DCDC2C: variants seen among roughly 807,000 people sequenced by gnomAD.
The protein encoded by DCDC2C is doublecortin domain containing 2C.
Under a neutral mutation model 45.0 loss-of-function variants are expected in DCDC2C, and 44 were observed. The observed-to-expected ratio is 0.98, with a 90% CI of 0.77 to 1.26. The LOEUF (loss-of-function observed/expected upper bound fraction) is 1.26. DCDC2C is among the 50% of genes most tolerant of loss of function. The pLI is 0.00. For missense variants in DCDC2C, 447 were observed against 468.9 expected (o/e 0.95, Z 0.43); for synonymous variants, 187 against 178.8 (o/e 1.05, Z -0.37).
intron 4 of DCDC2C, among the ~76,000 whole-genome samples, chr2:3,747,513 G>C (rs758299478): frequency 2.0e-5 from 3 of 152,174 alleles, no homozygotes; most frequent in Non-Finnish European, 4.4e-5. Context: ...GCAGCTGCTT[G>C]CCCCAGTGGA....
At position 3,761,774 on chromosome 2, in the gene DCDC2C, T is replaced by C. The variant is rs2148141256; in HGVS notation, c.727-5980T>C. Among the ~76,000 whole-genome samples, 2 of 152,362 alleles carry C rather than the reference T, an allele frequency of 1.3e-5. 1 individual carries two copies. The highest frequency in any genetic ancestry group is 2.9e-5 in the Non-Finnish European group (2 of 68,032). ...GACTGACTCTGAAATAGGTTGTTAC[T>C]GTCCTTCAATTAGACAAACTGGCTC... On this transcript the variant is annotated intron_variant, in intron 6 of 10. Transcript: ENST00000399143. The surrounding 1 kb of genome is among the most constrained non-coding windows in gnomAD (Gnocchi z 4.3).
At chr2:3,767,611 T>G in intron 6 of DCDC2C, 143 bp from the exon 7 acceptor site, 16 of 848,056 alleles carry the variant, frequency 1.9e-5, no homozygotes, top group Non-Finnish European at 2.9e-5. Flanking sequence ...GCATTCGAAG[T>G]GAGGCTTCTT....
chr2:3,778,865 CT>C lies in DCDC2C; in HGVS notation c.1005del (p.Asp336IlefsTer28), dbSNP rs1558223311. 1 of 1,551,030 alleles carries C rather than the reference CT, an allele frequency of 6.4e-7. No individual in the cohort carries two copies. The highest frequency in any genetic ancestry group is 8.7e-7 in the Non-Finnish European group (1 of 1,147,084). ...GATGAAGAGATACATGAGAACACCC[CT>C]GATTTTGAGGGCAACAAGGTGAGTT... ...KEDEEIHENT[P>X]DFEGNKDKED... On this transcript the variant is annotated frameshift_variant, in exon 9 of 11. Transcript: ENST00000399143. LOFTEE classifies it high-confidence loss of function.
intron 2 of DCDC2C, among the ~76,000 whole-genome samples, chr2:3,715,892 A>G (rs1221594443): frequency 6.6e-6 from 1 of 152,234 alleles, no homozygotes; most frequent in Non-Finnish European, 1.5e-5. Context: ...ATGAAATGTC[A>G]TGCTGGGGGC....
At chr2:3,824,786 C>G (rs545690178) in intron 10 of DCDC2C, among the ~76,000 whole-genome samples, 29 of 152,020 alleles carry the variant, frequency 1.9e-4, no homozygotes, top group African/African-American at 7.0e-4. Flanking sequence ...ATGCCTGTTG[C>G]CTGCTGAGGT....
At chr2:3,797,299 G>A (rs1670984570) in intron 10 of DCDC2C, among the ~76,000 whole-genome samples, 2 of 151,404 alleles carry the variant, frequency 1.3e-5, no homozygotes, top group Admixed American at 1.3e-4. Flanking sequence ...TATCAATTTT[G>A]TTGATCCTTT....
chr2:3,805,238 A>C (rs1671209637), intron 10 of DCDC2C, among the ~76,000 whole-genome samples: 1 of 152,224 alleles, frequency 6.6e-6, no homozygotes, highest in African/African-American at 2.4e-5. Flanking sequence ...AGGGCGAACC[A>C]TGGAGAGAGG....
chr2:3,752,012 C>CT (rs924386992), intron 4 of DCDC2C, among the ~76,000 whole-genome samples: 20 of 152,140 alleles, frequency 1.3e-4, no homozygotes, highest in African/African-American at 4.3e-4. Flanking sequence ...GGCTTCTGGC[C>CT]TTTTTACAGC....
intron 6 of DCDC2C, among the ~76,000 whole-genome samples, chr2:3,758,069 A>G (rs1022240289): frequency 1.3e-5 from 2 of 152,202 alleles, no homozygotes; most frequent in Admixed American, 6.5e-5. Flanking sequence ...ATTACTACTG[A>G]TGGAATAAAT....
At chr2:3,783,109 G>T (rs999364284) in intron 9 of DCDC2C, among the ~76,000 whole-genome samples, 3 of 152,146 alleles carry the variant, frequency 2.0e-5, no homozygotes, top group African/African-American at 4.8e-5. Context: ...TGTGACTCAG[G>T]TTTTTCTCTG....
chr2:3,837,889 CAT>C (rs1672119838), intron 10 of DCDC2C, among the ~76,000 whole-genome samples: 1 of 152,118 alleles, frequency 6.6e-6, no homozygotes. Flanking sequence ...GATGCGGACA[CAT>C]ATCCCGGGAG....
At chr2:3,784,363 A>G (rs1430764779) in intron 9 of DCDC2C, among the ~76,000 whole-genome samples, 1 of 152,156 alleles carries the variant, frequency 6.6e-6, no homozygotes, top group African/African-American at 2.4e-5. Context: ...TATCATAGCT[A>G]GGAATATCTT....
chr2:3,722,171 T>C (rs1369507915), intron 2 of DCDC2C, among the ~76,000 whole-genome samples: 1 of 152,214 alleles, frequency 6.6e-6, no homozygotes, highest in Non-Finnish European at 1.5e-5. Flanking sequence ...TACAACTTGA[T>C]CAAGGCCACA....
chr2:3,746,178 G>A (rs981852821), intron 4 of DCDC2C, among the ~76,000 whole-genome samples: 4 of 152,204 alleles, frequency 2.6e-5, no homozygotes, highest in African/African-American at 9.7e-5. Flanking sequence ...CGTCATGTGA[G>A]CAGCTACGGT....
At chr2:3,789,131 C>T (rs73146828) in intron 10 of DCDC2C, among the ~76,000 whole-genome samples, 23,313 of 152,002 alleles carry the variant, frequency 0.15, 1,999 homozygotes, top group East Asian at 0.29. Context: ...GGATTACAGA[C>T]GTGAGCCACT....
At chr2:3,705,094 C>T (rs1412344503) in intron 1 of DCDC2C, among the ~76,000 whole-genome samples, 1 of 152,156 alleles carries the variant, frequency 6.6e-6, no homozygotes, top group African/African-American at 2.4e-5. Flanking sequence ...AAATGCTCTC[C>T]GTTCAAAAAT....
At chr2:3,827,356 C>T (rs116693608) in intron 10 of DCDC2C, among the ~76,000 whole-genome samples, 3 of 152,006 alleles carry the variant, frequency 2.0e-5, no homozygotes, top group African/African-American at 7.3e-5. Context: ...GAAGCAGCAG[C>T]CTGGGACCGG....
chr2:3,754,556 C>T lies in DCDC2C; in HGVS notation c.684-36C>T, dbSNP rs374468617. 1.6e-5 allele frequency: 25 copies of T among 1,545,724 alleles called. No homozygotes were observed. The South Asian group carries it at 2.8e-4, about 17-fold the overall frequency. On this transcript the variant is annotated intron_variant, in intron 5 of 10. Coordinates refer to ENST00000399143, the MANE Select transcript of DCDC2C (RefSeq NM_001287444.2). ...TTTATAGAGATAACTTAGGGCCGGG[C>T]TTTACATTTCAAGTTGAACATCTTT...
chr2:3,831,336 C>T (rs763350669), intron 10 of DCDC2C, among the ~76,000 whole-genome samples: 23 of 152,210 alleles, frequency 1.5e-4, no homozygotes, highest in African/African-American at 1.9e-4. Flanking sequence ...CAGAGAGCGA[C>T]GTGCACAAAC....
Sources: allele counts gnomAD v4.1 joint callset (sites outside exome capture counted in the v4.1 genomes callset), GRCh38; gene constraint gnomAD v4.1.1; non-coding constraint Gnocchi (gnomAD v3.1); transcripts MANE v1.5; gene names NCBI Gene and HGNC (gene_info 2026-07-23, HGNC 2026-07-21).